The following TENM3 variants were observed in gnomAD, a reference collection of about 807,000 sequenced individuals.
TENM3 encodes teneurin transmembrane protein 3.
TENM3 carries 63 observed loss-of-function variants against 255.1 expected under a neutral mutation model. That is an observed-to-expected ratio of 0.25 (90% CI 0.20 to 0.30). The LOEUF (loss-of-function observed/expected upper bound fraction) is 0.30, where lower values mean the gene tolerates loss of function less well. Ranked by LOEUF, TENM3 falls within the 10% of genes least tolerant of loss-of-function variation. The probability of loss-of-function intolerance (pLI) is 1.00; values close to 1 mark genes in which losing one functional copy is unlikely to be tolerated. For missense variants in TENM3, 2,929 were observed against 3,461.1 expected (o/e 0.85, Z 3.86); for synonymous variants, 1,306 against 1,322.3 (o/e 0.99, Z 0.27).
At chr4:181,903,137 G>A in the TENM3 span, among the ~76,000 whole-genome samples, 1,129 of 152,072 alleles carry the variant, frequency 7.4e-3, 8 homozygotes, top group African/African-American at 0.025. Context: ...CACCTAGTAC[G>A]AGGGATCCTA....
At chr4:182,626,871 C>T (rs1004304612) in intron 4 of TENM3, among the ~76,000 whole-genome samples, 1 of 152,052 alleles carries the variant, frequency 6.6e-6, no homozygotes, top group African/African-American at 2.4e-5. Flanking sequence ...TCTAAAAGCT[C>T]TAGTTTTGCA....
chr4:181,526,993 ACTTGGTCCTC>A, the TENM3 span, among the ~76,000 whole-genome samples: 1 of 152,096 alleles, frequency 6.6e-6, no homozygotes, highest in Non-Finnish European at 1.5e-5. Context: ...GCCCTTCCCA[ACTTGGTCCTC>A]CTTGCTCAGT....
chr4:182,766,099 G>A lies in TENM3; in HGVS notation c.4893-7373G>A, dbSNP rs183651510. 3.4e-4 allele frequency among the ~76,000 whole-genome samples: 52 copies of A among 152,088 alleles called. No individual in the cohort carries two copies. In the East Asian group the frequency reaches 7.4e-3, roughly 22 times the overall value. ...GCCTGGCACAGCCCTCCTTGTCCTC[G>A]CTCAGTGCCAGGGTGTGGGGTCTGT... On this transcript the variant is annotated intron_variant, in intron 22 of 27. Transcript: ENST00000511685.
intron 6 of TENM3, among the ~76,000 whole-genome samples, chr4:182,657,608 C>T (rs1314279466): frequency 6.6e-6 from 1 of 152,076 alleles, no homozygotes; most frequent in Non-Finnish European, 1.5e-5. Context: ...CTCCTACTGC[C>T]TCTCTCTTCT....
rs187121071 is a variant in TENM3 at position 182,224,954 on chromosome 4, G to A, written c.-76+80200G>A. ...TCACCATGTTGGTCAGGCTGGTCTC[G>A]AACTCCTGATCTCGTGATCTGCCCA... On this transcript the variant is annotated intron_variant, in intron 1 of 2. Coordinates refer to the TENM3 transcript ENST00000512480. 1.7e-3 allele frequency among the ~76,000 whole-genome samples: 262 copies of A among 152,036 alleles called. 2 individuals are homozygous for A. The highest frequency in any genetic ancestry group is 6.1e-3 in the African/African-American group (252 of 41,474).
chr4:181,571,682 G>T, the TENM3 span, among the ~76,000 whole-genome samples: 1 of 152,064 alleles, frequency 6.6e-6, no homozygotes, highest in Non-Finnish European at 1.5e-5. Flanking sequence ...TATTGATCAT[G>T]AGTAAATACA....
At chr4:182,140,597 G>A, upstream of TENM3, among the ~76,000 whole-genome samples, 1 of 152,176 alleles carries the variant, frequency 6.6e-6, no homozygotes, top group East Asian at 1.9e-4. Context: ...AAGTGTCCTT[G>A]GAGAGCCTAA....
intron 1 of TENM3, among the ~76,000 whole-genome samples, chr4:182,170,421 G>A (rs1444389635): frequency 6.6e-6 from 1 of 151,992 alleles, no homozygotes; most frequent in Non-Finnish European, 1.5e-5. Context: ...TTAGAAGTTG[G>A]CAAATTAGCA....
At chr4:181,476,125 T>C in the TENM3 span, among the ~76,000 whole-genome samples, 1 of 151,990 alleles carries the variant, frequency 6.6e-6, no homozygotes, top group Admixed American at 6.5e-5. Context: ...ATGTTTAAGC[T>C]ACATCTTCCC....
At chr4:181,777,443 A>G in the TENM3 span, among the ~76,000 whole-genome samples, 7 of 152,080 alleles carry the variant, frequency 4.6e-5, no homozygotes, top group Middle Eastern at 3.4e-3. Flanking sequence ...ATTTCTGTGA[A>G]AAATGTCGTT....
At chr4:181,926,359 G>A in the TENM3 span, among the ~76,000 whole-genome samples, 15 of 152,308 alleles carry the variant, frequency 9.8e-5, no homozygotes, top group African/African-American at 3.4e-4. Context: ...AGAGAAGAAA[G>A]TTCTGTTGAG....
intron 3 of TENM3, among the ~76,000 whole-genome samples, chr4:182,464,288 ACT>A (rs1732369596): frequency 2.0e-5 from 3 of 152,110 alleles, no homozygotes; most frequent in African/African-American, 7.2e-5. Context: ...ACAGAATCTC[ACT>A]CTGTCACCCA....
the TENM3 span, among the ~76,000 whole-genome samples, chr4:181,533,570 C>T: frequency 0.19 from 29,161 of 152,018 alleles, 3,508 homozygotes; most frequent in Non-Finnish European, 0.28. Context: ...ATTGGGCATA[C>T]GATCTTCCAC....
chr4:181,621,785 C>G, the TENM3 span, among the ~76,000 whole-genome samples: 3 of 152,126 alleles, frequency 2.0e-5, no homozygotes, highest in South Asian at 6.2e-4. Context: ...ACTACCTGAG[C>G]AAGGAACTCC....
At chr4:181,633,270 G>C in the TENM3 span, among the ~76,000 whole-genome samples, 26 of 152,190 alleles carry the variant, frequency 1.7e-4, no homozygotes, top group Non-Finnish European at 3.7e-4. Flanking sequence ...ATTATCCGAG[G>C]AAAACCACCA....
the TENM3 span, among the ~76,000 whole-genome samples, chr4:181,629,742 A>G: frequency 1.3e-5 from 2 of 152,164 alleles, no homozygotes; most frequent in Non-Finnish European, 1.5e-5. Context: ...GTTTGCCAGT[A>G]TTTTATTGAG....
At chr4:182,318,435 A>G (rs1035036416) in intron 1 of TENM3, among the ~76,000 whole-genome samples, 2 of 152,244 alleles carry the variant, frequency 1.3e-5, no homozygotes, top group African/African-American at 4.8e-5. Context: ...AAACAATGTA[A>G]TGATGTCATT....
intron 3 of TENM3, among the ~76,000 whole-genome samples, chr4:182,466,855 T>TG (rs1378247432): frequency 1.4e-5 from 2 of 138,390 alleles, no homozygotes; most frequent in African/African-American, 2.5e-5. Flanking sequence ...TGTCTTCAGT[T>TG]TTTTTTTTTT....
intron 1 of TENM3, among the ~76,000 whole-genome samples, chr4:182,258,231 C>G (rs1347712418): frequency 2.0e-5 from 3 of 151,938 alleles, no homozygotes; most frequent in African/African-American, 7.3e-5. Flanking sequence ...TTTCTCAATT[C>G]TGAGCTTATT....
Sources: gnomAD v4.1 joint callset for allele counts (sites outside exome capture counted in the v4.1 genomes callset) on GRCh38, gnomAD v4.1.1 for gene constraint, MANE v1.5 for transcripts, NCBI Gene and HGNC (gene_info 2026-07-23, HGNC 2026-07-21) for gene names.